INPP4B: variants seen among roughly 807,000 people sequenced by gnomAD.
INPP4B encodes the protein inositol polyphosphate 4-phosphatase type II.
INPP4B carries 55 observed loss-of-function variants against 122.5 expected under a neutral mutation model. The observed-to-expected ratio is 0.45, with a 90% CI of 0.36 to 0.56. The LOEUF (loss-of-function observed/expected upper bound fraction) is 0.56, where lower values mean the gene tolerates loss of function less well. Among genes scored for constraint, INPP4B ranks in the 20% least tolerant of loss-of-function variants. INPP4B has a pLI of 0.00. For missense variants in INPP4B, 1,000 were observed against 1,097.7 expected (o/e 0.91, Z 1.26); for synonymous variants, 403 against 388.7 (o/e 1.04, Z -0.43).
intron 25 of INPP4B, among the ~76,000 whole-genome samples, chr4:142,053,780 G>A (rs571980788): frequency 8.5e-5 from 13 of 152,050 alleles, no homozygotes; most frequent in African/African-American, 2.7e-4. Context: ...TAAGAACCCC[G>A]ATTCAGGTAT....
At chr4:142,833,896 T>C (rs983308989) in intron 1 of INPP4B, among the ~76,000 whole-genome samples, 5 of 152,164 alleles carry the variant, frequency 3.3e-5, no homozygotes, top group Non-Finnish European at 5.9e-5. Flanking sequence ...ACCCAGACTA[T>C]CTGGTGGGAA....
chr4:142,679,539 T>G (rs1024296249), intron 2 of INPP4B, among the ~76,000 whole-genome samples: 1 of 151,916 alleles, frequency 6.6e-6, no homozygotes, highest in Non-Finnish European at 1.5e-5. Flanking sequence ...TAGTAAAGCA[T>G]GCATTCCAAT....
At chr4:142,270,156 T>C (rs1401916706) in intron 10 of INPP4B, among the ~76,000 whole-genome samples, 2 of 152,184 alleles carry the variant, frequency 1.3e-5, no homozygotes, top group African/African-American at 4.8e-5. Context: ...TCCAGAGCTA[T>C]TCCTTCAATG....
chr4:142,774,536 A>G (rs2151009036), intron 1 of INPP4B, among the ~76,000 whole-genome samples: 1 of 152,230 alleles, frequency 6.6e-6, no homozygotes, highest in East Asian at 1.9e-4. Flanking sequence ...TACAACATCT[A>G]AAATATTTGA....
chr4:142,031,961 T>C (rs1398377429), intron 25 of INPP4B, among the ~76,000 whole-genome samples: 4 of 152,078 alleles, frequency 2.6e-5, no homozygotes, highest in Middle Eastern at 3.2e-3. Flanking sequence ...TAATAACATC[T>C]GATAAAAGCA....
Position 142,237,867 on chromosome 4 carries a change from C to A in INPP4B, c.833G>T (p.Cys278Phe). The A allele has an allele frequency of 6.5e-7, 1 of 1,548,726 alleles. No homozygotes were observed. Among genetic ancestry groups the A allele is most frequent in the Non-Finnish European group, 8.8e-7 (1 of 1,132,374 alleles). ...GAAAATAGTTATTTTCTCTTACCTG[C>A]ACAAATCTTCTTTAATGTGAAGGGA... ...LISLHIKEDL[C>F]RNQEIKELGE... The change falls in exon 12 of 26, where the codon TGC becomes TTC. Residue 278 changes from cysteine to phenylalanine, a missense_variant. Cys to Phe is a radical substitution (Grantham distance 205). Coordinates refer to ENST00000262992, the MANE Select transcript of INPP4B (RefSeq NM_001101669.3).
intron 5 of INPP4B, among the ~76,000 whole-genome samples, chr4:142,418,687 C>A (rs1005712977): frequency 2.6e-5 from 4 of 152,068 alleles, no homozygotes; most frequent in Non-Finnish European, 4.4e-5. Flanking sequence ...AAAGAAGCCC[C>A]ATGGGTTGAT....
chr4:142,498,887 A>C (rs943125361), intron 2 of INPP4B, among the ~76,000 whole-genome samples: 1 of 152,198 alleles, frequency 6.6e-6, no homozygotes, highest in Non-Finnish European at 1.5e-5. Flanking sequence ...AAATACTATG[A>C]TTTAGCTTAG....
At chr4:142,785,742 A>G (rs1775676834) in intron 1 of INPP4B, among the ~76,000 whole-genome samples, 1 of 152,140 alleles carries the variant, frequency 6.6e-6, no homozygotes, top group African/African-American at 2.4e-5. Context: ...AAAGGAGCAG[A>G]AGAGATGCTT....
Position 142,572,175 on chromosome 4 carries a change from T to C in INPP4B, c.-190-109449A>G, listed in dbSNP as rs77721777. ...CTGCTGTTGAATTCAATTAGGTCTATAAAGCTCTGTATCACTGGCATGTAA... is the reference window on the plus strand; with the variant it reads ...CTGCTGTTGAATTCAATTAGGTCTACAAAGCTCTGTATCACTGGCATGTAA... On this transcript the variant is annotated intron_variant, in intron 2 of 25. Coordinates refer to ENST00000262992, the MANE Select transcript of INPP4B (RefSeq NM_001101669.3). Among the ~76,000 whole-genome samples the C allele has an allele frequency of 8.3e-3, 1,261 of 152,298 alleles. 15 individuals carry two copies. Among genetic ancestry groups the C allele is most frequent in the African/African-American group, 0.028 (1,165 of 41,562 alleles).
intron 2 of INPP4B, among the ~76,000 whole-genome samples, chr4:142,719,655 G>C (rs1764255325): frequency 1.3e-5 from 2 of 152,088 alleles, no homozygotes; most frequent in South Asian, 4.2e-4. Context: ...TGAAAAAAAT[G>C]AGATACTTTT....
At chr4:142,116,218 C>T (rs1287850727) in intron 21 of INPP4B, among the ~76,000 whole-genome samples, 3 of 152,092 alleles carry the variant, frequency 2.0e-5, no homozygotes, top group African/African-American at 7.2e-5. Flanking sequence ...TAATGGGAGA[C>T]TTTAACACCT....
intron 2 of INPP4B, among the ~76,000 whole-genome samples, chr4:142,528,870 GA>G (rs1214437663): frequency 6.6e-6 from 1 of 152,034 alleles, no homozygotes; most frequent in Non-Finnish European, 1.5e-5. Flanking sequence ...TCTTGAAAAT[GA>G]AAAAAGTGAG....
chr4:142,418,282 T>C, intron 5 of INPP4B, among the ~76,000 whole-genome samples: 1 of 152,144 alleles, frequency 6.6e-6, no homozygotes, highest in Admixed American at 6.6e-5. Context: ...GCAATAATTA[T>C]GAAACATTTC....
intron 2 of INPP4B, among the ~76,000 whole-genome samples, chr4:142,598,478 C>G (rs2150283923): frequency 6.6e-6 from 1 of 152,258 alleles, no homozygotes; most frequent in East Asian, 1.9e-4. Context: ...ATATCCACAT[C>G]CTGTAAGTCC....
At chr4:142,683,386 T>C (rs937931167) in intron 2 of INPP4B, among the ~76,000 whole-genome samples, 3 of 151,776 alleles carry the variant, frequency 2.0e-5, no homozygotes, top group African/African-American at 7.2e-5. Context: ...AAAATGAGCA[T>C]GGTCATTTAA....
intron 12 of INPP4B, among the ~76,000 whole-genome samples, chr4:142,217,018 G>A (rs1308234591): frequency 1.3e-5 from 2 of 152,124 alleles, no homozygotes; most frequent in African/African-American, 2.4e-5. Flanking sequence ...ACAAATTAGG[G>A]CGAGTAAATG....
chr4:142,149,452 T>C (rs1460964517), intron 17 of INPP4B, among the ~76,000 whole-genome samples: 1 of 152,148 alleles, frequency 6.6e-6, no homozygotes, highest in Non-Finnish European at 1.5e-5. Context: ...ATGGTATAAA[T>C]GGACTAGAAC....
At chr4:142,067,650 C>CT (rs1764338028) in intron 25 of INPP4B, among the ~76,000 whole-genome samples, 1 of 152,056 alleles carries the variant, frequency 6.6e-6, no homozygotes, top group Non-Finnish European at 1.5e-5. Context: ...CCTAATGGAG[C>CT]TGAAAACCAT....
Sources: gnomAD v4.1 joint callset for allele counts (sites outside exome capture counted in the v4.1 genomes callset) on GRCh38, gnomAD v4.1.1 for gene constraint, MANE v1.5 for transcripts, NCBI Gene and HGNC (gene_info 2026-07-23, HGNC 2026-07-21) for gene names.